Variants in ABL1 observed in about 807,000 individuals in gnomAD.
The protein encoded by ABL1 is ABL proto-oncogene 1, non-receptor tyrosine kinase.
ABL1 carries 11 observed loss-of-function variants against 94.7 expected under a neutral mutation model. The observed-to-expected ratio is 0.12, with a 90% CI of 0.07 to 0.19. The LOEUF is 0.19. Ranked by LOEUF, ABL1 falls within the 10% of genes least tolerant of loss-of-function variation. ABL1 has a pLI of 1.00. For synonymous variants in ABL1, 656 were observed against 622.4 expected, an observed-to-expected ratio of 1.05 and a Z score of -0.80; for missense variants, 1,082 against 1,489.4, an observed-to-expected ratio of 0.73 and a Z score of 4.50.
chr9:130,744,729 C>T (rs1197140420), intron 1 of ABL1, among the ~76,000 whole-genome samples: 1 of 150,406 alleles, frequency 6.6e-6, no homozygotes, highest in East Asian at 2.0e-4. Flanking sequence ...TAGTGGTGGG[C>T]GCCTGTAGTT....
chr9:130,878,968 C>G (rs1831402162), intron 8 of ABL1, among the ~76,000 whole-genome samples: 1 of 151,454 alleles, frequency 6.6e-6, no homozygotes, highest in African/African-American at 2.4e-5. Flanking sequence ...ACCTCCACCT[C>G]CCTGGTTCAA....
intron 1 of ABL1, among the ~76,000 whole-genome samples, chr9:130,722,135 G>C (rs188664223): frequency 3.7e-4 from 56 of 152,066 alleles, no homozygotes; most frequent in African/African-American, 1.3e-3. Flanking sequence ...GCTCACGCCT[G>C]TAATCCCAGC....
At chr9:130,865,592 C>G (rs962768041) in intron 4 of ABL1, among the ~76,000 whole-genome samples, 2 of 151,894 alleles carry the variant, frequency 1.3e-5, no homozygotes, top group Non-Finnish European at 2.9e-5. Flanking sequence ...ACAAAAAATA[C>G]CAAAAATCAG....
chr9:130,872,736 T>C lies in ABL1; in HGVS notation c.908-124T>C. ...CAGGATGCAGGTGCTTGGGACCATG[T>C]TGGAAGTTGGGCCCAGGACTGAGGA... On this transcript the variant is annotated intron_variant, in intron 5 of 10. Coordinates refer to ENST00000318560, the MANE Select transcript of ABL1 (RefSeq NM_005157.6). This position sits in a 1 kb window ranked among gnomAD's most constrained non-coding sequence, Gnocchi z 5.0. 5.3e-6 allele frequency: 5 copies of C among 943,468 alleles called. No homozygotes were observed. Among genetic ancestry groups the C allele is most frequent in the Non-Finnish European group, 7.9e-6 (5 of 634,032 alleles). The allele number at this position is 943,468 out of a possible 1,614,324, so 58.4% of individuals were successfully genotyped here.
intron 7 of ABL1, among the ~76,000 whole-genome samples, chr9:130,876,178 T>G (rs920935603): frequency 6.6e-5 from 10 of 151,714 alleles, no homozygotes; most frequent in Admixed American, 5.3e-4. Context: ...TTTTGAGTAA[T>G]TTTTGGCAGT....
At chr9:130,717,659 TAAAA>T (rs55678553) in intron 1 of ABL1, among the ~76,000 whole-genome samples, 3 of 128,186 alleles carry the variant, frequency 2.3e-5, no homozygotes, top group Admixed American at 7.9e-5. Context: ...CTCTGGGGGG[TAAAA>T]AAAAAAAAAA....
intron 1 of ABL1, among the ~76,000 whole-genome samples, chr9:130,795,234 G>T (rs1002668934): frequency 6.6e-6 from 1 of 152,172 alleles, no homozygotes; most frequent in Non-Finnish European, 1.5e-5. Context: ...CAGGAAGGAT[G>T]CCCTGATATT....
intron 1 of ABL1, among the ~76,000 whole-genome samples, chr9:130,753,025 G>A (rs549339233): frequency 2.0e-5 from 3 of 151,868 alleles, no homozygotes; most frequent in Non-Finnish European, 4.4e-5. Context: ...GGGAGGCTGA[G>A]GCGGGTGGAT....
chr9:130,868,890 G>A (rs934805100), intron 4 of ABL1, among the ~76,000 whole-genome samples: 2 of 152,130 alleles, frequency 1.3e-5, no homozygotes, highest in Non-Finnish European at 2.9e-5. Context: ...TATGAGGGCC[G>A]GGTGCAGTGG....
In ABL1 at chr9:130,835,505, C is replaced by T. The variant is rs1306763809; in HGVS notation, c.59C>T (p.Ser20Phe). 3.2e-6 allele frequency: 5 copies of T among 1,561,132 alleles called. No individual in the cohort carries two copies. The highest frequency in any genetic ancestry group is 1.2e-5 in the South Asian group (1 of 84,836). ...AAATCCAAGAAGGGGCTGTCCTCGT[C>T]CTCCAGCTGTTATCTGGAAGGTAAG... ...GCKSKKGLSS[S>F]SSCYLEEALQ... The change falls in exon 1 of 11, where the codon TCC (serine) becomes TTC (phenylalanine). Residue 20 changes from serine to phenylalanine, a missense_variant. Ser to Phe is a radical substitution (Grantham distance 155). Around this residue, in one of 7 missense-constraint regions of ABL1, gnomAD observed 65 missense variants for 80.8 expected, o/e 0.80. Transcript: ENST00000318560. This position sits in a 1 kb window ranked among gnomAD's most constrained non-coding sequence, Gnocchi z 4.6.
chr9:130,858,855 C>T (rs915665808), intron 3 of ABL1, among the ~76,000 whole-genome samples: 10 of 152,286 alleles, frequency 6.6e-5, no homozygotes, highest in African/African-American at 1.4e-4. Flanking sequence ...TCTGCCTCCC[C>T]GCTCTTGGCT....
At chr9:130,775,471 G>A (rs191378387) in intron 1 of ABL1, among the ~76,000 whole-genome samples, 5 of 152,160 alleles carry the variant, frequency 3.3e-5, no homozygotes, top group South Asian at 2.1e-4. Context: ...TGAAAACTAC[G>A]ATCAGTGAAA....
chr9:130,755,327 C>T (rs1236226193), intron 1 of ABL1, among the ~76,000 whole-genome samples: 1 of 152,118 alleles, frequency 6.6e-6, no homozygotes, highest in African/African-American at 2.4e-5. Context: ...GATTCCATGA[C>T]TGTGAGTCTG....
chr9:130,813,834 C>G (rs1043247742), intron 1 of ABL1, among the ~76,000 whole-genome samples: 5 of 152,162 alleles, frequency 3.3e-5, no homozygotes, highest in East Asian at 1.9e-4. Context: ...TCTCAACTTA[C>G]ATTTTTCAAT....
chr9:130,772,797 C>G (rs1174647680), intron 1 of ABL1, among the ~76,000 whole-genome samples: 1 of 152,232 alleles, frequency 6.6e-6, no homozygotes, highest in East Asian at 1.9e-4. Context: ...GCTTCACTGT[C>G]GAGGATTTTG....
At chr9:130,747,514 A>G (rs1831903157) in intron 1 of ABL1, among the ~76,000 whole-genome samples, 2 of 152,140 alleles carry the variant, frequency 1.3e-5, no homozygotes, top group African/African-American at 4.8e-5. Context: ...CCTGGGTTCA[A>G]GTGATTCTCC....
chr9:130,819,532 CTTTTTTTTT>C (rs34341889), intron 1 of ABL1, among the ~76,000 whole-genome samples: 1 of 96,284 alleles, frequency 1.0e-5, no homozygotes, highest in Non-Finnish European at 1.9e-5. Context: ...AGAAAAATAC[CTTTTTTTTT>C]TTTTTTTTTT....
chr9:130,815,507 G>A (rs1830272902), intron 1 of ABL1, among the ~76,000 whole-genome samples: 1 of 151,950 alleles, frequency 6.6e-6, no homozygotes, highest in Non-Finnish European at 1.5e-5. Context: ...AGTCTTTCAG[G>A]TAACCGTAAC....
intron 1 of ABL1, among the ~76,000 whole-genome samples, chr9:130,725,823 G>GTTTTTTTTTTT: frequency 1.2e-5 from 1 of 80,858 alleles, no homozygotes; most frequent in Non-Finnish European, 2.4e-5. Flanking sequence ...TGTGTATGGT[G>GTTTTTTTTTTT]GTTTTTTTTT....
Sources: gnomAD v4.1 joint callset for allele counts (sites outside exome capture counted in the v4.1 genomes callset) on GRCh38, gnomAD v4.1.1 for gene constraint, gnomAD v4.1.1 regional missense constraint, Gnocchi (gnomAD v3.1) non-coding constraint, MANE v1.5 for transcripts, NCBI Gene and HGNC (gene_info 2026-07-23, HGNC 2026-07-21) for gene names.